CNTNAP5: variants seen among roughly 807,000 people sequenced by gnomAD.
CNTNAP5 encodes the protein contactin-associated protein-like 5.
Under a neutral mutation model 150.2 loss-of-function variants are expected in CNTNAP5, and 72 were observed. That is an observed-to-expected ratio of 0.48 (90% CI 0.40 to 0.58). The LOEUF is 0.58. CNTNAP5 is among the 20% of genes least tolerant of loss of function. The pLI, the probability that CNTNAP5 is intolerant of heterozygous loss-of-function variation, is 0.00. For synonymous variants in CNTNAP5, 672 were observed against 619.8 expected (o/e 1.08, Z -1.25); for missense variants, 1,636 against 1,626.2 (o/e 1.01, Z -0.10).
intron 12 of CNTNAP5, among the ~76,000 whole-genome samples, chr2:124,626,831 A>G (rs985165148): frequency 1.3e-5 from 2 of 152,116 alleles, no homozygotes; most frequent in African/African-American, 2.4e-5. Flanking sequence ...CTGCCAGCAC[A>G]GCAGTCTGGA....
intron 19 of CNTNAP5, among the ~76,000 whole-genome samples, chr2:124,801,708 A>G (rs1681970468): frequency 6.6e-6 from 1 of 152,210 alleles, no homozygotes; most frequent in African/African-American, 2.4e-5. Flanking sequence ...ATATTCTTAC[A>G]GCTTGTTCCC....
chr2:124,074,907 T>C (rs1682401547), intron 1 of CNTNAP5, among the ~76,000 whole-genome samples: 1 of 152,184 alleles, frequency 6.6e-6, no homozygotes, highest in Non-Finnish European at 1.5e-5. Context: ...GAGCAAAGCA[T>C]GGTGCTATTC....
At chr2:124,413,287 T>C (rs1182389713) in intron 3 of CNTNAP5, among the ~76,000 whole-genome samples, 5 of 151,426 alleles carry the variant, frequency 3.3e-5, no homozygotes, top group African/African-American at 7.3e-5. Context: ...TTGGTGGGAC[T>C]GTAAACCAGT....
Position 124,134,751 on chromosome 2 carries a change from G to A in CNTNAP5, c.83-86954G>A, listed in dbSNP as rs546714735. ...ACATGTACTTGGATTCCCCATCTTC[G>A]CAGCCACCATTTCCCAATATTCTTC... is the stretch of plus-strand genomic sequence containing the variant. On this transcript the variant is annotated intron_variant, in intron 1 of 23. Coordinates refer to ENST00000682447, the MANE Select transcript of CNTNAP5 (RefSeq NM_001367498.1). 2.7e-4 allele frequency among the ~76,000 whole-genome samples: 41 copies of A among 152,140 alleles called. 3 individuals are homozygous for A. In the South Asian group the frequency reaches 7.1e-3, roughly 26 times the overall value.
intron 13 of CNTNAP5, among the ~76,000 whole-genome samples, chr2:124,707,433 G>A (rs1679714948): frequency 6.6e-6 from 1 of 152,030 alleles, no homozygotes; most frequent in Non-Finnish European, 1.5e-5. Flanking sequence ...TAGAAAGTGT[G>A]GTACATTTTT....
intron 1 of CNTNAP5, among the ~76,000 whole-genome samples, chr2:124,142,319 C>A (rs1453187608): frequency 7.0e-6 from 1 of 142,586 alleles, no homozygotes; most frequent in East Asian, 2.1e-4. Context: ...CTCTCCACCC[C>A]AAATCAACAG....
At chr2:124,677,352 G>C (rs1678966011) in intron 13 of CNTNAP5, among the ~76,000 whole-genome samples, 1 of 152,234 alleles carries the variant, frequency 6.6e-6, no homozygotes, top group African/African-American at 2.4e-5. Flanking sequence ...TGGACCTAAA[G>C]AGTAAGCAGC....
chr2:124,455,899 T>C (rs1192620008), intron 6 of CNTNAP5, among the ~76,000 whole-genome samples: 1 of 152,144 alleles, frequency 6.6e-6, no homozygotes, highest in African/African-American at 2.4e-5. Flanking sequence ...AACATTGGCA[T>C]GCAAGGGACA....
intron 18 of CNTNAP5, among the ~76,000 whole-genome samples, chr2:124,796,800 G>A (rs1295681619): frequency 6.6e-6 from 1 of 152,164 alleles, no homozygotes. Context: ...GCCAATATGG[G>A]TTTATGTTTA....
intron 1 of CNTNAP5, among the ~76,000 whole-genome samples, chr2:124,060,788 A>G (rs1432699257): frequency 6.6e-6 from 1 of 152,222 alleles, no homozygotes; most frequent in African/African-American, 2.4e-5. Context: ...GTCTCCCAGG[A>G]TGTCTGTCAG....
At chr2:124,256,140 G>A (rs1490456095) in intron 3 of CNTNAP5, among the ~76,000 whole-genome samples, 2 of 151,994 alleles carry the variant, frequency 1.3e-5, no homozygotes, top group East Asian at 1.9e-4. Flanking sequence ...GCTTACATCT[G>A]TTGTTCTAGA....
At chr2:124,164,952 T>C (rs1335548470) in intron 1 of CNTNAP5, among the ~76,000 whole-genome samples, 3 of 152,124 alleles carry the variant, frequency 2.0e-5, no homozygotes, top group African/African-American at 4.8e-5. Context: ...CTGCAGACTT[T>C]ATGACACATT....
chr2:124,033,174 G>A (rs182818426), intron 1 of CNTNAP5, among the ~76,000 whole-genome samples: 47 of 152,266 alleles, frequency 3.1e-4, no homozygotes, highest in African/African-American at 1.1e-3. Context: ...AATGCCATCT[G>A]TTCACAGGAT....
intron 13 of CNTNAP5, among the ~76,000 whole-genome samples, chr2:124,738,983 G>A (rs1298952287): frequency 3.3e-5 from 5 of 152,140 alleles, no homozygotes; most frequent in Non-Finnish European, 7.4e-5. Flanking sequence ...AATGCCCAAA[G>A]AATCATTTAA....
chr2:124,358,600 T>A (rs1690095792), intron 3 of CNTNAP5, among the ~76,000 whole-genome samples: 1 of 152,218 alleles, frequency 6.6e-6, no homozygotes, highest in Non-Finnish European at 1.5e-5. Context: ...ATATGATGGA[T>A]TACATTTACT....
intron 21 of CNTNAP5, among the ~76,000 whole-genome samples, chr2:124,885,502 A>G (rs1023544744): frequency 2.3e-4 from 35 of 151,680 alleles, no homozygotes; most frequent in African/African-American, 8.5e-4. Flanking sequence ...TAGTATATCC[A>G]CAATATTTTG....
intron 20 of CNTNAP5, among the ~76,000 whole-genome samples, chr2:124,868,307 C>T (rs1573674738): frequency 6.6e-6 from 1 of 152,028 alleles, no homozygotes; most frequent in East Asian, 1.9e-4. Context: ...TATCTGACAC[C>T]CCTGCTCATT....
intron 1 of CNTNAP5, among the ~76,000 whole-genome samples, chr2:124,103,164 A>G (rs1352729810): frequency 6.6e-6 from 1 of 152,252 alleles, no homozygotes; most frequent in African/African-American, 2.4e-5. Context: ...AGTTAAAAAT[A>G]GAAAAAAGTC....
chr2:124,409,889 A>C (rs1167514701), intron 3 of CNTNAP5, among the ~76,000 whole-genome samples: 1 of 151,548 alleles, frequency 6.6e-6, no homozygotes, highest in East Asian at 2.0e-4. Context: ...ATTAACTTTA[A>C]ATGTAAATGG....
Sources: allele counts gnomAD v4.1 joint callset (sites outside exome capture counted in the v4.1 genomes callset), GRCh38; gene constraint gnomAD v4.1.1; transcripts MANE v1.5; gene names NCBI Gene and HGNC (gene_info 2026-07-23, HGNC 2026-07-21).